The following SYNE2 variants were observed in gnomAD, a reference collection of about 807,000 sequenced individuals.
The protein encoded by SYNE2 is nesprin-2.
Under a neutral mutation model 856.3 loss-of-function variants are expected in SYNE2, and 431 were observed. That is an observed-to-expected ratio of 0.50 (90% CI 0.47 to 0.55). SYNE2 has a LOEUF of 0.55. SYNE2 is among the 20% of genes least tolerant of loss of function. SYNE2 has a pLI of 0.00. For synonymous variants in SYNE2, 2,923 were observed against 2,872.3 expected (o/e 1.02, Z -0.56); for missense variants, 8,129 against 8,023.2 (o/e 1.01, Z -0.50).
intron 19 of SYNE2, among the ~76,000 whole-genome samples, chr14:63,988,020 A>T (rs1337324888): frequency 6.6e-6 from 1 of 152,220 alleles, no homozygotes; most frequent in Admixed American, 6.5e-5. Context: ...TATACCTGTA[A>T]CTGAGTCTAT....
intron 50 of SYNE2, 45 bp downstream of exon 50, chr14:64,062,940 T>A (rs1426829273): frequency 6.2e-7 from 1 of 1,613,244 alleles, no homozygotes; most frequent in East Asian, 2.2e-5. Flanking sequence ...TGCAAAAAAT[T>A]GCAGAACAAA....
Position 64,074,486 on chromosome 14 carries a change from G to T in SYNE2, c.10866+350G>T, listed in dbSNP as rs534874400. ...TAGTAGGACATGGCGCCTTGTCTCT[G>T]ACAGGGTCTATGTACACCCTACAGG... On this transcript the variant is annotated intron_variant, in intron 53 of 115. Transcript: ENST00000555002. 7.6e-4 allele frequency among the ~76,000 whole-genome samples: 116 copies of T among 152,272 alleles called. 1 individual carries two copies. Among genetic ancestry groups the T allele is most frequent in the African/African-American group, 2.7e-3 (111 of 41,582 alleles).
intron 2 of SYNE2, among the ~76,000 whole-genome samples, chr14:63,927,871 G>A (rs2095690741): frequency 1.3e-5 from 2 of 151,662 alleles, no homozygotes; most frequent in South Asian, 2.1e-4. Context: ...CAGCCTGGGC[G>A]ACAGAGCGAG....
At chr14:64,171,803 G>T (rs939836166) in intron 94 of SYNE2, among the ~76,000 whole-genome samples, 1 of 152,192 alleles carries the variant, frequency 6.6e-6, no homozygotes, top group African/African-American at 2.4e-5. Context: ...GAACCAGGGA[G>T]CCTTTGAAGC....
intron 49 of SYNE2, among the ~76,000 whole-genome samples, chr14:64,059,776 G>T (rs553821902): frequency 1.3e-5 from 2 of 152,174 alleles, no homozygotes; most frequent in African/African-American, 2.4e-5. Flanking sequence ...GAGTTGCCCC[G>T]CACCTAGGTG....
chr14:63,787,234 A>G (rs1887565769), intron 1 of SYNE2, among the ~76,000 whole-genome samples: 1 of 152,282 alleles, frequency 6.6e-6, no homozygotes, highest in Admixed American at 6.5e-5. Context: ...TGTATGATTA[A>G]TTATTGTTAA....
intron 1 of SYNE2, among the ~76,000 whole-genome samples, chr14:63,820,925 A>G (rs1316393072): frequency 2.0e-5 from 3 of 151,840 alleles, no homozygotes; most frequent in Non-Finnish European, 4.4e-5. Context: ...AATTTTTTGT[A>G]TTTTTAGTAG....
At chr14:64,170,595 G>C (rs2098405985) in intron 94 of SYNE2, 133 bp downstream of exon 94, 1 of 909,984 alleles carries the variant, frequency 1.1e-6, no homozygotes, top group Non-Finnish European at 1.7e-6. Flanking sequence ...GGCCAGCAAG[G>C]TGCAGTCACC....
intron 65 of SYNE2, 36 bp from the exon 66 acceptor site, chr14:64,113,305 T>C: frequency 6.2e-7 from 1 of 1,612,664 alleles, no homozygotes; most frequent in Non-Finnish European, 8.5e-7. Context: ...GTCTGAAAAC[T>C]TTGGACTCCC....
intron 6 of SYNE2, among the ~76,000 whole-genome samples, chr14:63,945,058 G>A (rs559067680): frequency 7.1e-4 from 105 of 147,156 alleles, no homozygotes; most frequent in African/African-American, 2.5e-3. Flanking sequence ...ACGCACCTCG[G>A]CCTCCCAAAA....
chr14:64,143,171 A>G (rs1463431977), intron 82 of SYNE2, among the ~76,000 whole-genome samples: 1 of 152,224 alleles, frequency 6.6e-6, no homozygotes, highest in Non-Finnish European at 1.5e-5. Flanking sequence ...GGGTGTCTCC[A>G]AAAGAGGTGC....
intron 16 of SYNE2, among the ~76,000 whole-genome samples, chr14:63,982,072 T>C (rs2096589767): frequency 6.6e-6 from 1 of 152,146 alleles, no homozygotes; most frequent in African/African-American, 2.4e-5. Context: ...CTAAGAGAAC[T>C]TACAGAACAC....
intron 1 of SYNE2, among the ~76,000 whole-genome samples, chr14:63,815,040 C>T (rs1433304408): frequency 1.4e-5 from 1 of 72,850 alleles, no homozygotes; most frequent in South Asian, 3.9e-4. Flanking sequence ...ATATATACAT[C>T]CACATATATA....
intron 62 of SYNE2, chr14:64,098,529 G>A: frequency 3.3e-6 from 2 of 614,356 alleles, no homozygotes; most frequent in South Asian, 1.9e-5. Context: ...TTTATGAAGG[G>A]GCACAGGGGG....
At chr14:64,156,990 T>G (rs2098291600) in intron 85 of SYNE2, among the ~76,000 whole-genome samples, 1 of 152,208 alleles carries the variant, frequency 6.6e-6, no homozygotes, top group African/African-American at 2.4e-5. Flanking sequence ...AGTGCAGAGC[T>G]GTGTGATTGT....
chr14:64,122,576 T>G (rs2097905985), intron 70 of SYNE2, 149 bp downstream of exon 70: 2 of 1,014,636 alleles, frequency 2.0e-6, no homozygotes, highest in African/African-American at 3.2e-5. Context: ...CTTGGAAACC[T>G]GCATTAGGAA....
Position 63,833,427 on chromosome 14 carries a change from CA to C in SYNE2, c.-304-19067del, listed in dbSNP as rs555872731. On this transcript the variant is annotated intron_variant, in intron 1 of 23. Transcript: ENST00000674003. ...TGACGACAGATTCTTAGCAGTGGAT[CA>C]AAAAAAGAAAAAAACATACATATAA... 5.7e-3 allele frequency among the ~76,000 whole-genome samples: 864 copies of C among 151,760 alleles called. 5 individuals are homozygous for C. Among genetic ancestry groups the C allele is most frequent in the African/African-American group, 0.019 (798 of 41,428 alleles).
intron 1 of SYNE2, among the ~76,000 whole-genome samples, chr14:63,890,060 T>C (rs1595461047): frequency 6.8e-6 from 1 of 146,404 alleles, no homozygotes; most frequent in South Asian, 2.2e-4. Context: ...TTTCTTTTTT[T>C]TTTTTTTTTT....
chr14:63,922,122 G>A (rs539486495), intron 2 of SYNE2, among the ~76,000 whole-genome samples: 4 of 152,228 alleles, frequency 2.6e-5, no homozygotes, highest in African/African-American at 9.6e-5. Flanking sequence ...TCCTACCTCA[G>A]TCTCTTGAAT....
Sources: gnomAD v4.1 joint callset for allele counts (sites outside exome capture counted in the v4.1 genomes callset) on GRCh38, gnomAD v4.1.1 for gene constraint, MANE v1.5 for transcripts, NCBI Gene and HGNC (gene_info 2026-07-23, HGNC 2026-07-21) for gene names.